CDCA5: variants seen among roughly 807,000 people sequenced by gnomAD.
CDCA5 encodes sororin.
A neutral mutation model predicts 25.7 loss-of-function variants in CDCA5; 14 were observed. The ratio of observed to expected loss-of-function variants is 0.54; its 90% CI spans 0.36 to 0.85. The LOEUF (loss-of-function observed/expected upper bound fraction) is 0.85. CDCA5 is among the 40% of genes least tolerant of loss of function. The pLI is 0.01. For synonymous variants in CDCA5, 127 were observed against 128.7 expected (o/e 0.99, Z 0.09); for missense variants, 307 against 324.5 (o/e 0.95, Z 0.41).
rs1157194451 is a variant in CDCA5 at position 65,083,983 on chromosome 11, T to G, written c.-5A>C. On this transcript the variant is annotated 5_prime_UTR_variant, in exon 1 of 6. Transcript: ENST00000275517. ...CCGCGTTCGCCTCCCAGACATAACT[T>G]AGGCTCCGTCTCGAGCTCCTCCAGC... 4 of 1,402,236 alleles carry G rather than the reference T, an allele frequency of 2.9e-6. No homozygotes were observed. The highest frequency in any genetic ancestry group is 3.8e-6 in the Non-Finnish European group (4 of 1,065,886). The allele number at this position is 1,402,236 out of a possible 1,614,324, so 86.9% of individuals were successfully genotyped here.
At chr11:65,068,545 C>T (rs751870631) in exon 2 of CDCA5, 20 of 1,289,464 alleles carry the variant, frequency 1.6e-5, no homozygotes, top group Non-Finnish European at 2.0e-5. Flanking sequence ...CCTCAACAGG[C>T]TGCACCACTG....
rs1947615925 is a variant in CDCA5, at chr11:65,083,418, A to G, written c.208-19T>C. ...CTGGGACCTGCGGGGGACAATACCA[A>G]TTGATCACATAGCTGGTCCCCAGTT... On this transcript the variant is annotated intron_variant, in intron 3 of 5. Transcript: ENST00000275517. 1.2e-6 allele frequency: 2 copies of G among 1,614,142 alleles called. No individual in the cohort carries two copies. Among genetic ancestry groups the G allele is most frequent in the Non-Finnish European group, 8.5e-7 (1 of 1,180,006 alleles).
At chr11:65,070,692 G>T (rs1947323446) in intron 1 of CDCA5, among the ~76,000 whole-genome samples, 1 of 152,078 alleles carries the variant, frequency 6.6e-6, no homozygotes, top group African/African-American at 2.4e-5. Flanking sequence ...ATGTTGCCCA[G>T]ACTGGTCTCG....
rs376672385 is a variant in CDCA5, at chr11:65,067,633, C to T, written c.368+22G>A. The T allele has an allele frequency of 3.0e-5, 38 of 1,280,992 alleles. 2 individuals carry two copies. The highest frequency in any genetic ancestry group is 2.4e-4 in the African/African-American group (16 of 65,806). The allele number at this position is 1,280,992 out of a possible 1,614,324, so 79.4% of individuals were successfully genotyped here. A position where few individuals can be genotyped will look rare whatever the true frequency, so the allele number is the denominator to read the frequency against. On this transcript the variant is annotated intron_variant, in intron 4 of 6. Coordinates refer to the CDCA5 transcript ENST00000525464. ...GGGAAGCCCTGTCACCCTACCCGCT[C>T]CCATCTGCCCGCCCAGATCACCTCA...
downstream of CDCA5, chr11:65,077,378 CCA>C (rs1292233640): frequency 1.5e-5 from 12 of 812,512 alleles, no homozygotes; most frequent in African/African-American, 2.2e-4. Flanking sequence ...AGGGACAACC[CCA>C]GTGATGCAGC....
Position 65,067,740 on chromosome 11 carries a change from G to A in CDCA5, c.283C>T (p.Gln95Ter). 7.8e-7 allele frequency: 1 copy of A among 1,289,650 alleles called. No homozygotes were observed. The highest frequency in any genetic ancestry group is 1.0e-6 in the Non-Finnish European group (1 of 988,776). 79.9% of individuals were successfully genotyped at this position (1,289,650 alleles called of 1,614,324 possible). Residue 95 changes from glutamine (Q) to a stop codon, truncating the protein, a stop_gained, in exon 4 of 7, where the codon CAG (glutamine) becomes TAG (stop). Coordinates refer to the CDCA5 transcript ENST00000525464. LOFTEE classifies it high-confidence loss of function. ...TCCTGATCTAAGAACTGGTACTCCT[G>A]GATCTCCGAGTCCCTGGAGCAAGTG... is the stretch of plus-strand genomic sequence containing the variant.
chr11:65,079,192 G>A lies in CDCA5; in HGVS notation c.679-5C>T. 6.5e-7 allele frequency: 1 copy of A among 1,526,824 alleles called. No homozygotes were observed. 94.6% of individuals were successfully genotyped at this position (1,526,824 alleles called of 1,614,324 possible). A position where few individuals can be genotyped will look rare whatever the true frequency, so the allele number is the denominator to read the frequency against. ...CCACTCATCCAGCTCCGTTTTCTGAGGGAAGAGAAATGAGGAGCAGGTGAG... is the reference window on the plus strand; with the variant it reads ...CCACTCATCCAGCTCCGTTTTCTGAAGGAAGAGAAATGAGGAGCAGGTGAG... On this transcript the variant is annotated splice_region_variant and splice_polypyrimidine_tract_variant and intron_variant, in intron 5 of 5. Transcript: ENST00000275517.
In CDCA5 at chr11:65,079,734, C is replaced by G. The variant is rs950830051; in HGVS notation, c.297G>C (p.Lys99Asn). 29 of 1,512,134 alleles carry G rather than the reference C, an allele frequency of 1.9e-5. No homozygotes were observed. Among genetic ancestry groups the G allele is most frequent in the Non-Finnish European group, 2.6e-5 (29 of 1,131,868 alleles). The allele number at this position is 1,512,134 out of a possible 1,614,324, so 93.7% of individuals were successfully genotyped here. Residue 99 changes from lysine (K) to asparagine (N), a missense_variant, in exon 5 of 6, where the codon AAG (lysine) becomes AAC (asparagine). Transcript: ENST00000275517. Reference protein sequence around the residue: ...ENEPPGRELTKEDLFKTHSVP... With the variant: ...ENEPPGRELTNEDLFKTHSVP... Reference sequence around the variant, plus strand: ...CGCTGTGTGTCTTGAAAAGGTCCTCCTTAGTAAGCTCCCTGCCAGGGGGCT... The same window carrying G: ...CGCTGTGTGTCTTGAAAAGGTCCTCGTTAGTAAGCTCCCTGCCAGGGGGCT...
rs1947614185 is a variant in CDCA5 at position 65,083,362 on chromosome 11, A to G, written c.243+2T>C. 6.2e-7 allele frequency: 1 copy of G among 1,613,968 alleles called. No homozygotes were observed. Among genetic ancestry groups the G allele is most frequent in the Admixed American group, 1.7e-5 (1 of 59,996 alleles). On this transcript the variant is annotated splice_donor_variant, in intron 4 of 5. Coordinates refer to ENST00000275517, the MANE Select transcript of CDCA5 (RefSeq NM_080668.4). LOFTEE classifies it high-confidence loss of function. ...TAATTAAGTAGATGAAAGTGAACTC[A>G]CCCTAGGGCTCCTGCGAGGTGATTG...
intron 1 of CDCA5, 77 bp from the exon 2 acceptor site, chr11:65,083,800 G>A: frequency 6.4e-7 from 1 of 1,572,966 alleles, no homozygotes; most frequent in Non-Finnish European, 8.7e-7. Flanking sequence ...TAGAGACAGC[G>A]AGAAGATTCC....
downstream of CDCA5, among the ~76,000 whole-genome samples, chr11:65,072,816 G>T (rs1947364966): frequency 6.6e-6 from 1 of 152,128 alleles, no homozygotes; most frequent in Admixed American, 6.5e-5. Flanking sequence ...GCTTGAAGGT[G>T]CTATGATGGA....
chr11:65,075,892 G>A (rs1414326230), downstream of CDCA5, among the ~76,000 whole-genome samples: 1 of 152,162 alleles, frequency 6.6e-6, no homozygotes, highest in Admixed American at 6.5e-5. Context: ...TTCAGGAAAA[G>A]CCAAGAAAAA....
In CDCA5 at chr11:65,083,942, G is replaced by A. The variant is rs771701995; in HGVS notation, c.37C>T (p.Gln13Ter). 5.6e-6 allele frequency: 9 copies of A among 1,609,654 alleles called. No individual in the cohort carries two copies. The highest frequency in any genetic ancestry group is 7.6e-6 in the Non-Finnish European group (9 of 1,179,580). ...GRRTRSGGAA[Q>*]RSGPRAPSPT... ...CGCGCCCTCCGCTCACCGGAGCGCT[G>A]AGCGGCTCCTCCGGACCGCGTTCGC... Residue 13 changes from glutamine (Q) to a stop codon, truncating the protein, a stop_gained, in exon 1 of 6, where the codon CAG becomes TAG. Transcript: ENST00000275517. LOFTEE classifies it high-confidence loss of function.
In CDCA5 at chr11:65,083,107, T is replaced by G. The variant is rs922726953; in HGVS notation, c.243+257A>C. 1.1e-5 allele frequency: 6 copies of G among 547,772 alleles called. No homozygotes were observed. In the African/African-American group the frequency reaches 1.1e-4, roughly 10 times the overall value. 33.9% of individuals were successfully genotyped at this position (547,772 alleles called of 1,614,324 possible). ...AAGGCATAATGGATTAGAAAGGCAG[T>G]ACGTGGAGTTAAGACATAGCTCAGC... On this transcript the variant is annotated intron_variant, in intron 4 of 5. Coordinates refer to ENST00000275517, the MANE Select transcript of CDCA5 (RefSeq NM_080668.4).
intron 1 of CDCA5, among the ~76,000 whole-genome samples, chr11:65,069,812 C>A (rs998407781): frequency 6.6e-6 from 1 of 152,370 alleles, no homozygotes; most frequent in South Asian, 2.1e-4. Flanking sequence ...TTCACTCATG[C>A]GCTTACTGGT....
At position 65,083,986 on chromosome 11, in the gene CDCA5, G is replaced by C. The variant is rs1947636348; in HGVS notation, c.-8C>G. On this transcript the variant is annotated 5_prime_UTR_variant, in exon 1 of 6. Transcript: ENST00000275517. ...CGTTCGCCTCCCAGACATAACTTAG[G>C]CTCCGTCTCGAGCTCCTCCAGCGCC... is the stretch of plus-strand genomic sequence containing the variant. The C allele has an allele frequency of 6.2e-7, 1 of 1,606,348 alleles. No individual in the cohort carries two copies. The highest frequency in any genetic ancestry group is 8.5e-7 in the Non-Finnish European group (1 of 1,176,490).
intron 1 of CDCA5, 98 bp downstream of exon 1, chr11:65,083,835 T>C: frequency 6.3e-7 from 1 of 1,585,988 alleles, no homozygotes; most frequent in South Asian, 1.1e-5. Flanking sequence ...TAAGGGCGCC[T>C]CCTCCGGCGG....
At chr11:65,082,493 C>T (rs999118088) in intron 4 of CDCA5, among the ~76,000 whole-genome samples, 2 of 137,028 alleles carry the variant, frequency 1.5e-5, no homozygotes, top group Non-Finnish European at 3.1e-5. Flanking sequence ...GATGGAGTCT[C>T]GCTTTGTCAC....
chr11:65,064,147 A>C (rs960506619), downstream of CDCA5, among the ~76,000 whole-genome samples: 6 of 152,150 alleles, frequency 3.9e-5, no homozygotes, highest in African/African-American at 1.4e-4. Flanking sequence ...AGCCGGGTGC[A>C]GTGGCTCACA....
Sources: allele counts gnomAD v4.1 joint callset (sites outside exome capture counted in the v4.1 genomes callset), GRCh38; gene constraint gnomAD v4.1.1; transcripts MANE v1.5; gene names NCBI Gene and HGNC (gene_info 2026-07-23, HGNC 2026-07-21).